TGFBR2: variants seen among roughly 807,000 people sequenced by gnomAD.
TGFBR2 encodes the protein TGF-beta receptor type-2.
A neutral mutation model predicts 49.0 loss-of-function variants in TGFBR2; 18 were observed. The observed-to-expected ratio is 0.37, with a 90% CI of 0.25 to 0.54. The LOEUF is 0.54. Among genes scored for constraint, TGFBR2 ranks in the 20% least tolerant of loss-of-function variants. The pLI, the probability that TGFBR2 is intolerant of heterozygous loss-of-function variation, is 0.85. For missense variants in TGFBR2, 525 were observed against 722.6 expected (o/e 0.73, Z 3.13); for synonymous variants, 282 against 275.9 (o/e 1.02, Z -0.22).
chr3:30,636,787 A>G (rs540104073), intron 1 of TGFBR2, among the ~76,000 whole-genome samples: 4 of 151,972 alleles, frequency 2.6e-5, no homozygotes, highest in East Asian at 1.9e-4. Flanking sequence ...GTAACAGGCC[A>G]GGCGTGGTGG....
intron 3 of TGFBR2, 89 bp from the exon 4 acceptor site, chr3:30,671,549 T>C (rs1462415640): frequency 5.3e-6 from 7 of 1,327,550 alleles, no homozygotes; most frequent in Non-Finnish European, 6.5e-6. Flanking sequence ...GATGCTAAAA[T>C]CTATAGATGC....
At chr3:30,626,779 G>C (rs1334150169) in intron 1 of TGFBR2, 1 of 152,290 alleles carries the variant, frequency 6.6e-6, no homozygotes, top group Non-Finnish European at 1.5e-5. Context: ...TCCTTCCAGG[G>C]GCTGAGCAGG....
chr3:30,658,910 A>G (rs1699057762), intron 3 of TGFBR2, among the ~76,000 whole-genome samples: 1 of 152,174 alleles, frequency 6.6e-6, no homozygotes, highest in Non-Finnish European at 1.5e-5. Flanking sequence ...CACTCTGTGT[A>G]CTGATCGCAT....
At chr3:30,667,853 T>C (rs1360068926) in intron 3 of TGFBR2, among the ~76,000 whole-genome samples, 1 of 152,210 alleles carries the variant, frequency 6.6e-6, no homozygotes, top group Non-Finnish European at 1.5e-5. Context: ...AAAAATTGAC[T>C]ACATATTCAC....
At position 30,676,371 on chromosome 3, in the gene TGFBR2, A is replaced by G. The variant is rs1023653838; in HGVS notation, c.1396+2125A>G. On this transcript the variant is annotated intron_variant, in intron 5 of 6. Transcript: ENST00000295754. This position sits in a 1 kb window ranked among gnomAD's most constrained non-coding sequence, Gnocchi z 4.3. Reference sequence around the variant, plus strand: ...GATGATCTATGACTAATTCCTGCCTATAACAATTATTACTATAATGTTTAC... The same window carrying G: ...GATGATCTATGACTAATTCCTGCCTGTAACAATTATTACTATAATGTTTAC... Among the ~76,000 whole-genome samples the G allele has an allele frequency of 3.3e-5, 5 of 152,210 alleles. No homozygotes were observed. The highest frequency in any genetic ancestry group is 9.6e-5 in the African/African-American group (4 of 41,458).
At chr3:30,673,383 C>T (rs761692851) in intron 4 of TGFBR2, among the ~76,000 whole-genome samples, 7 of 152,172 alleles carry the variant, frequency 4.6e-5, no homozygotes, top group East Asian at 1.9e-4. Context: ...ATACATACTA[C>T]AACACTAAAT....
At chr3:30,610,900 C>T (rs553214226) in intron 1 of TGFBR2, among the ~76,000 whole-genome samples, 33 of 152,176 alleles carry the variant, frequency 2.2e-4, no homozygotes, top group Non-Finnish European at 4.1e-4. Flanking sequence ...TACACATACA[C>T]ACAATGTGAG....
At position 30,669,121 on chromosome 3, in the gene TGFBR2, C is replaced by CA. The variant is rs56069409; in HGVS notation, c.455-2486dup. 6.8e-3 allele frequency among the ~76,000 whole-genome samples: 566 copies of CA among 83,458 alleles called. 17 individuals carry two copies. Among genetic ancestry groups the CA allele is most frequent in the African/African-American group, 9.2e-3 (168 of 18,306 alleles). 54.8% of individuals were successfully genotyped at this position (83,458 alleles called of 152,430 possible). ...TGAAACCCCGTCTCCACTAAAAATA[C>CA]AAAAAAAAAAAAAAAAAAAAAAAAA... is the stretch of plus-strand genomic sequence containing the variant. On this transcript the variant is annotated intron_variant, in intron 3 of 6. Coordinates refer to ENST00000295754, the MANE Select transcript of TGFBR2 (RefSeq NM_003242.6).
Position 30,691,542 on chromosome 3 carries a change from G to T in TGFBR2, c.1647G>T (p.Gly549=), listed in dbSNP as rs2125455641. Residue 549 remains glycine (G), a synonymous_variant, in exon 7 of 7, where the codon GGG becomes GGT. Transcript: ENST00000295754. ...TGGAGCATCTGGACAGGCTCTCGGG[G>T]AGGAGCTGCTCGGAGGAGAAGATTC... The part of the protein sequence containing the change: ...SELEHLDRLS[G]RSCSEEKIPE... 7.4e-6 allele frequency: 12 copies of T among 1,614,152 alleles called. No homozygotes were observed. Among genetic ancestry groups the T allele is most frequent in the Non-Finnish European group, 9.3e-6 (11 of 1,180,012 alleles).
At position 30,672,121 on chromosome 3, in the gene TGFBR2, G is replaced by T. The variant is rs200361387; in HGVS notation, c.938G>T (p.Arg313Leu). The change falls in exon 4 of 7, where the codon CGG (arginine) becomes CTG (leucine). Residue 313 changes from arginine to leucine, a missense_variant. Physicochemically the swap from Arg to Leu is moderately radical, Grantham distance 102 (BLOSUM62 -2). Transcript: ENST00000295754. The surrounding 1 kb of genome is among the most constrained non-coding windows in gnomAD (Gnocchi z 4.5). ...CTCCAGTTCCTGACGGCTGAGGAGC[G>T]GAAGACGGAGTTGGGGAAACAATAC... is the stretch of plus-strand genomic sequence containing the variant. ...NILQFLTAEE[R>L]KTELGKQYWL... is the part of the protein sequence containing the mutation. 5.6e-6 allele frequency: 9 copies of T among 1,614,156 alleles called. No homozygotes were observed. Among genetic ancestry groups the T allele is most frequent in the Non-Finnish European group, 7.6e-6 (9 of 1,180,018 alleles).
intron 3 of TGFBR2, among the ~76,000 whole-genome samples, chr3:30,657,922 G>GT (rs1699038134): frequency 1.3e-5 from 2 of 152,216 alleles, no homozygotes; most frequent in South Asian, 4.1e-4. Flanking sequence ...CTCTGTTTTA[G>GT]AAAGGTGTTC....
chr3:30,645,012 G>A, intron 2 of TGFBR2, 97 bp downstream of exon 2: 1 of 1,105,500 alleles, frequency 9.0e-7, no homozygotes, highest in Non-Finnish European at 1.4e-6. Flanking sequence ...TCTCCTAAAT[G>A]TAAACACCTG....
intron 3 of TGFBR2, among the ~76,000 whole-genome samples, chr3:30,664,910 A>G (rs1383638721): frequency 6.6e-6 from 1 of 152,272 alleles, no homozygotes; most frequent in Non-Finnish European, 1.5e-5. Flanking sequence ...TTTGGGAGAT[A>G]GGCTCCTACT....
intron 1 of TGFBR2, among the ~76,000 whole-genome samples, chr3:30,627,006 G>A (rs956235775): frequency 1.4e-4 from 21 of 152,190 alleles, no homozygotes; most frequent in African/African-American, 4.3e-4. Flanking sequence ...GGGGAATGAC[G>A]TAATAAAACC....
intron 1 of TGFBR2, among the ~76,000 whole-genome samples, chr3:30,634,357 C>G (rs1197073930): frequency 6.6e-6 from 1 of 152,198 alleles, no homozygotes; most frequent in East Asian, 1.9e-4. Flanking sequence ...AAATGAATAA[C>G]TTAATTAAAA....
chr3:30,657,984 C>T (rs186923459), intron 3 of TGFBR2, among the ~76,000 whole-genome samples: 3 of 152,276 alleles, frequency 2.0e-5, no homozygotes, highest in South Asian at 2.1e-4. Context: ...TGAAGCATAC[C>T]GAGCAGGGGT....
At chr3:30,674,697 T>G (rs938290703) in intron 5 of TGFBR2, among the ~76,000 whole-genome samples, 1 of 151,400 alleles carries the variant, frequency 6.6e-6, no homozygotes, top group African/African-American at 2.4e-5. Flanking sequence ...ATTGTTTTAT[T>G]GGGCAAAAAA....
At chr3:30,661,571 T>C (rs1699130557) in intron 3 of TGFBR2, 1 of 515,688 alleles carries the variant, frequency 1.9e-6, no homozygotes, top group Non-Finnish European at 3.9e-6. Flanking sequence ...AACAATCGAT[T>C]GCAAAGGAGC....
chr3:30,613,315 G>A (rs1263287548), intron 1 of TGFBR2, among the ~76,000 whole-genome samples: 2 of 151,758 alleles, frequency 1.3e-5, no homozygotes, highest in Non-Finnish European at 2.9e-5. Flanking sequence ...GTGACTTTTG[G>A]GCCTTCCAGT....
Sources: allele counts gnomAD v4.1 joint callset (sites outside exome capture counted in the v4.1 genomes callset), GRCh38; gene constraint gnomAD v4.1.1; non-coding constraint Gnocchi (gnomAD v3.1); transcripts MANE v1.5; gene names NCBI Gene and HGNC (gene_info 2026-07-23, HGNC 2026-07-21).